The following LRRC4C variants were observed in gnomAD, a reference collection of about 807,000 sequenced individuals.
LRRC4C encodes leucine rich repeat containing 4C, also known as leucine-rich repeat-containing protein 4C.
LRRC4C carries 5 observed loss-of-function variants against 33.6 expected under a neutral mutation model. The observed-to-expected ratio is 0.15, with a 90% confidence interval of 0.08 to 0.31. The LOEUF (loss-of-function observed/expected upper bound fraction) is 0.31. LRRC4C is among the 10% of genes least tolerant of loss of function. The probability of loss-of-function intolerance (pLI) is 1.00; values close to 1 mark genes in which losing one functional copy is unlikely to be tolerated. For missense variants in LRRC4C, 560 were observed against 796.7 expected, an observed-to-expected ratio of 0.70 and a Z score of 3.58; for synonymous variants, 329 against 302.0, an observed-to-expected ratio of 1.09 and a Z score of -0.93.
intron 3 of LRRC4C, among the ~76,000 whole-genome samples, chr11:40,557,903 A>G (rs1343327878): frequency 2.0e-5 from 3 of 152,088 alleles, no homozygotes; most frequent in Non-Finnish European, 4.4e-5. Context: ...TATTGAGGAG[A>G]TTAATGAGCC....
At chr11:40,596,085 T>C (rs79498911) in intron 3 of LRRC4C, among the ~76,000 whole-genome samples, 1,627 of 152,122 alleles carry the variant, frequency 0.011, 37 homozygotes, top group African/African-American at 0.038. Context: ...ACCATTGATA[T>C]AGGAAAAAGG....
chr11:40,515,764 T>G (rs1269991966), intron 3 of LRRC4C, among the ~76,000 whole-genome samples: 1 of 152,100 alleles, frequency 6.6e-6, no homozygotes, highest in Non-Finnish European at 1.5e-5. Context: ...TTTTTCCTGC[T>G]TAAATATTTT....
intron 1 of LRRC4C, among the ~76,000 whole-genome samples, chr11:41,360,289 C>T (rs1006631541): frequency 5.9e-5 from 9 of 152,200 alleles, no homozygotes; most frequent in Non-Finnish European, 1.3e-4. Flanking sequence ...ACACTGAGCT[C>T]TTCACTTTCC....
At chr11:41,069,802 G>A (rs1414045376) in intron 1 of LRRC4C, among the ~76,000 whole-genome samples, 1 of 152,064 alleles carries the variant, frequency 6.6e-6, no homozygotes, top group Non-Finnish European at 1.5e-5. Flanking sequence ...CCATCCTTAT[G>A]GATAGGAAGA....
chr11:40,777,076 A>G (rs1950029846), intron 2 of LRRC4C, among the ~76,000 whole-genome samples: 1 of 152,194 alleles, frequency 6.6e-6, no homozygotes, highest in Non-Finnish European at 1.5e-5. Flanking sequence ...TAGTTCCACT[A>G]CGGTCTGAGA....
intron 1 of LRRC4C, among the ~76,000 whole-genome samples, chr11:41,254,204 G>A (rs1202408133): frequency 6.6e-6 from 1 of 151,994 alleles, no homozygotes. Context: ...AGGCATGGGA[G>A]GCATTTTACT....
chr11:40,327,029 G>C (rs191272252), intron 3 of LRRC4C, among the ~76,000 whole-genome samples: 5 of 152,322 alleles, frequency 3.3e-5, no homozygotes, highest in Admixed American at 3.3e-4. Flanking sequence ...TTGTGGATTA[G>C]AAGTGAAAAA....
chr11:41,031,933 G>A (rs1164363253), intron 1 of LRRC4C, among the ~76,000 whole-genome samples: 1 of 151,992 alleles, frequency 6.6e-6, no homozygotes, highest in East Asian at 1.9e-4. Flanking sequence ...GATAACTTTG[G>A]TTAAAAAAGT....
At chr11:41,169,153 A>G (rs140600230) in intron 1 of LRRC4C, among the ~76,000 whole-genome samples, 1 of 152,308 alleles carries the variant, frequency 6.6e-6, no homozygotes, top group East Asian at 1.9e-4. Context: ...GTTTACAAAT[A>G]TTCTCACTAT....
chr11:40,384,814 T>C (rs943448671), intron 3 of LRRC4C, among the ~76,000 whole-genome samples: 1 of 152,286 alleles, frequency 6.6e-6, no homozygotes, highest in African/African-American at 2.4e-5. Flanking sequence ...TATTTTTCTA[T>C]AAACAATATG....
intron 3 of LRRC4C, among the ~76,000 whole-genome samples, chr11:40,467,953 A>G (rs894792685): frequency 7.2e-5 from 11 of 152,138 alleles, no homozygotes; most frequent in Non-Finnish European, 1.5e-5. Context: ...TTGCCTGAAG[A>G]CCAGAAATGA....
intron 2 of LRRC4C, among the ~76,000 whole-genome samples, chr11:40,670,441 A>G (rs565793066): frequency 6.6e-6 from 1 of 152,332 alleles, no homozygotes; most frequent in East Asian, 1.9e-4. Flanking sequence ...AAGCATGTCT[A>G]TATCAGACCA....
chr11:41,372,404 T>G (rs1031912780), intron 1 of LRRC4C, among the ~76,000 whole-genome samples: 1 of 152,210 alleles, frequency 6.6e-6, no homozygotes, highest in South Asian at 2.1e-4. Context: ...ATGGGAAGAC[T>G]GAAAGTTAGA....
intron 2 of LRRC4C, among the ~76,000 whole-genome samples, chr11:40,918,504 A>G (rs1299138482): frequency 2.0e-5 from 3 of 152,052 alleles, no homozygotes; most frequent in Non-Finnish European, 2.9e-5. Context: ...CTTATTTGCC[A>G]GGTGTCTACT....
chr11:41,201,932 A>G (rs1372585468), intron 1 of LRRC4C, among the ~76,000 whole-genome samples: 3 of 151,338 alleles, frequency 2.0e-5, no homozygotes, highest in Non-Finnish European at 4.4e-5. Context: ...ACACACACAC[A>G]CACACACACA....
At chr11:41,228,476 C>CT (rs1256617714) in intron 1 of LRRC4C, among the ~76,000 whole-genome samples, 1 of 152,130 alleles carries the variant, frequency 6.6e-6, no homozygotes, top group African/African-American at 2.4e-5. Context: ...GAGACATCTT[C>CT]TGTCATTCTA....
intron 1 of LRRC4C, among the ~76,000 whole-genome samples, chr11:41,407,442 C>G (rs1254744503): frequency 6.6e-6 from 1 of 151,724 alleles, no homozygotes; most frequent in Non-Finnish European, 1.5e-5. Flanking sequence ...GCTGGGACTA[C>G]AGGCATGTGC....
chr11:41,304,818 G>T (rs1287660462), intron 1 of LRRC4C, among the ~76,000 whole-genome samples: 3 of 100,370 alleles, frequency 3.0e-5, no homozygotes, highest in Admixed American at 8.9e-5. Flanking sequence ...GGAGGGAGGT[G>T]GGGGGGTCAG....
chr11:41,026,570 A>G (rs61876994), intron 1 of LRRC4C, among the ~76,000 whole-genome samples: 14,328 of 151,268 alleles, frequency 0.095, 736 homozygotes, highest in African/African-American at 0.12. Flanking sequence ...GTAAAACGCT[A>G]TCAAACAGCA....
Sources: allele counts gnomAD v4.1 joint callset (sites outside exome capture counted in the v4.1 genomes callset), GRCh38; gene constraint gnomAD v4.1.1; transcripts MANE v1.5; gene names NCBI Gene and HGNC (gene_info 2026-07-23, HGNC 2026-07-21).